Variants in ASH1L observed in about 807,000 individuals in gnomAD.
The protein encoded by ASH1L is ASH1 like histone lysine methyltransferase, also known as histone-lysine N-methyltransferase ASH1L.
ASH1L carries 23 observed loss-of-function variants against 269.0 expected under a neutral mutation model. The ratio of observed to expected loss-of-function variants is 0.09; its 90% CI spans 0.06 to 0.12. The LOEUF (loss-of-function observed/expected upper bound fraction) is 0.12, where lower values mean the gene tolerates loss of function less well. Among genes scored for constraint, ASH1L ranks in the 10% least tolerant of loss-of-function variants. The pLI is 1.00. For synonymous variants in ASH1L, 1,187 were observed against 1,253.5 expected (o/e 0.95, Z 1.12); for missense variants, 2,912 against 3,567.8 (o/e 0.82, Z 4.68).
intron 6 of ASH1L, among the ~76,000 whole-genome samples, chr1:155,406,829 T>C (rs1457765039): frequency 6.6e-6 from 1 of 152,136 alleles, no homozygotes; most frequent in Non-Finnish European, 1.5e-5. Context: ...TGACAAAATA[T>C]ATCTACAATT....
rs2148722692 is a variant in ASH1L at position 155,479,191 on chromosome 1, A to G, written c.3679T>C (p.Phe1227Leu). The change falls in exon 3 of 28, where the codon TTT (phenylalanine) becomes CTT (leucine). Residue 1227 changes from phenylalanine to leucine, a missense_variant. Around this residue, in one of 13 missense-constraint regions of ASH1L, gnomAD observed 789 missense variants for 897.6 expected, o/e 0.88. Transcript: ENST00000392403. ...FCGQKKRRHS[F>L]EHVSLIPPET... ...GGGGGAATCAGAGAAACATGCTCAA[A>G]AGAATGCCTCCTCTTTTTTTGCCCA... The G allele has an allele frequency of 3.1e-6, 5 of 1,614,116 alleles. No homozygotes were observed. Among genetic ancestry groups the G allele is most frequent in the Non-Finnish European group, 4.2e-6 (5 of 1,180,004 alleles).
chr1:155,468,372 C>G (rs1664850676), intron 3 of ASH1L, among the ~76,000 whole-genome samples: 2 of 151,944 alleles, frequency 1.3e-5, no homozygotes, highest in African/African-American at 2.4e-5. Flanking sequence ...CTGCTTTTCC[C>G]TCTTCATACT....
intron 8 of ASH1L, among the ~76,000 whole-genome samples, chr1:155,379,114 T>C (rs1444121747): frequency 6.6e-6 from 1 of 150,736 alleles, no homozygotes. Flanking sequence ...AAAAAAAGAA[T>C]GCATTAGAAG....
intron 6 of ASH1L, among the ~76,000 whole-genome samples, chr1:155,410,963 T>C (rs1026725258): frequency 6.6e-6 from 1 of 152,232 alleles, no homozygotes; most frequent in African/African-American, 2.4e-5. Flanking sequence ...CAGTATACAT[T>C]TGTCAAAACC....
intron 4 of ASH1L, among the ~76,000 whole-genome samples, chr1:155,441,176 A>G (rs2148626681): frequency 6.6e-6 from 1 of 152,284 alleles, no homozygotes; most frequent in East Asian, 1.9e-4. Context: ...TTTCCCTATC[A>G]AGTTGTAGTC....
intron 1 of ASH1L, among the ~76,000 whole-genome samples, chr1:155,553,899 C>G (rs1034188199): frequency 4.6e-5 from 7 of 151,238 alleles, no homozygotes; most frequent in African/African-American, 1.7e-4. Context: ...CAGGTTCAAG[C>G]AATTCTACTG....
intron 2 of ASH1L, among the ~76,000 whole-genome samples, chr1:155,517,348 G>T (rs761540741): frequency 4.6e-4 from 70 of 152,098 alleles, no homozygotes; most frequent in Non-Finnish European, 8.1e-4. Flanking sequence ...AAACAAACAG[G>T]AAGGGCACGG....
At chr1:155,440,743 TGAC>T (rs1192462606) in intron 4 of ASH1L, 2 of 152,522 alleles carry the variant, frequency 1.3e-5, no homozygotes, top group Admixed American at 1.3e-4. Flanking sequence ...TATATTCTGA[TGAC>T]TACTGAATTT....
chr1:155,447,211 G>C (rs1037144842), intron 4 of ASH1L, among the ~76,000 whole-genome samples: 1 of 152,150 alleles, frequency 6.6e-6, no homozygotes, highest in Non-Finnish European at 1.5e-5. Flanking sequence ...GTAATGGGTT[G>C]AGCAAATACT....
chr1:155,370,367 G>A (rs1475793614), intron 12 of ASH1L, 137 bp downstream of exon 12: 2 of 1,050,680 alleles, frequency 1.9e-6, no homozygotes, highest in East Asian at 2.4e-5. Context: ...AGCTTACTCT[G>A]CCCGTGGGAT....
chr1:155,493,927 T>C (rs900009372), intron 2 of ASH1L, among the ~76,000 whole-genome samples: 1 of 152,086 alleles, frequency 6.6e-6, no homozygotes, highest in African/African-American at 2.4e-5. Context: ...GTACCTACTA[T>C]TGAGCACTGA....
At chr1:155,377,037 A>T (rs1394414643) in intron 10 of ASH1L, among the ~76,000 whole-genome samples, 3 of 151,100 alleles carry the variant, frequency 2.0e-5, no homozygotes, top group African/African-American at 7.3e-5. Flanking sequence ...CCTCCCACGT[A>T]GCTGGGATTA....
At chr1:155,423,817 C>T (rs1034198896) in intron 5 of ASH1L, among the ~76,000 whole-genome samples, 2 of 152,142 alleles carry the variant, frequency 1.3e-5, no homozygotes, top group Admixed American at 6.6e-5. Context: ...GCAACCTCCA[C>T]CTCCCAGGTT....
chr1:155,497,544 C>T lies in ASH1L; in HGVS notation c.421-15095G>A, dbSNP rs1047742647. ...TACTTTAAGAATATAGTACATAATA[C>T]ATATAACATTAAATATGTGTTAACA... is the stretch of plus-strand genomic sequence containing the variant. On this transcript the variant is annotated intron_variant, in intron 2 of 27. Coordinates refer to ENST00000392403, the MANE Select transcript of ASH1L (RefSeq NM_018489.3). 1.1e-4 allele frequency among the ~76,000 whole-genome samples: 17 copies of T among 152,224 alleles called. No individual in the cohort carries two copies. The South Asian group carries it at 1.5e-3, about 13-fold the overall frequency.
chr1:155,459,262 C>G (rs1192397748), intron 4 of ASH1L, among the ~76,000 whole-genome samples: 4 of 151,814 alleles, frequency 2.6e-5, no homozygotes, highest in Non-Finnish European at 5.9e-5. Context: ...GTGGAGTGAT[C>G]TCCGCTCACT....
intron 1 of ASH1L, among the ~76,000 whole-genome samples, chr1:155,534,529 A>C (rs961548213): frequency 2.0e-5 from 3 of 151,984 alleles, no homozygotes; most frequent in African/African-American, 7.3e-5. Flanking sequence ...GTTATATATC[A>C]AGAACTGGAG....
At position 155,517,793 on chromosome 1, in the gene ASH1L, C is replaced by CTTTTT. The variant is rs780065449; in HGVS notation, c.420+3302_420+3306dup. 1.7e-3 allele frequency among the ~76,000 whole-genome samples: 119 copies of CTTTTT among 70,940 alleles called. 2 individuals are homozygous for CTTTTT. The highest frequency in any genetic ancestry group is 3.9e-3 in the East Asian group (7 of 1,788). 46.5% of individuals were successfully genotyped at this position (70,940 alleles called of 152,430 possible). A position where few individuals can be genotyped will look rare whatever the true frequency, so the allele number is the denominator to read the frequency against. On this transcript the variant is annotated intron_variant, in intron 2 of 27. Coordinates refer to ENST00000392403, the MANE Select transcript of ASH1L (RefSeq NM_018489.3). ...CTCTCACATATATGGCCAATAATTT[C>CTTTTT]TTTTTTTTTTTTTTTTTTTTTTTTT...
intron 1 of ASH1L, among the ~76,000 whole-genome samples, chr1:155,559,961 G>A (rs1270132232): frequency 6.6e-6 from 1 of 152,142 alleles, no homozygotes; most frequent in Admixed American, 6.6e-5. Flanking sequence ...AGATACTTGT[G>A]CTATATTATA....
chr1:155,535,233 ATTTTT>A (rs112674447), intron 1 of ASH1L, among the ~76,000 whole-genome samples: 1 of 140,720 alleles, frequency 7.1e-6, no homozygotes, highest in Non-Finnish European at 1.6e-5. Flanking sequence ...TTATCTGAGG[ATTTTT>A]TTTTTTTTTA....
Sources: allele counts gnomAD v4.1 joint callset (sites outside exome capture counted in the v4.1 genomes callset), GRCh38; gene constraint gnomAD v4.1.1; regional missense constraint gnomAD v4.1.1; transcripts MANE v1.5; gene names NCBI Gene and HGNC (gene_info 2026-07-23, HGNC 2026-07-21).